THOC5: variants seen among roughly 807,000 people sequenced by gnomAD.
THOC5 encodes Fms-interacting protein.
THOC5 carries 43 observed loss-of-function variants against 92.9 expected under a neutral mutation model. That is an observed-to-expected ratio of 0.46 (90% CI 0.36 to 0.60). THOC5 has a LOEUF of 0.60. Among genes scored for constraint, THOC5 ranks in the 20% least tolerant of loss-of-function variants. The probability of loss-of-function intolerance (pLI) is 0.00; values close to 1 mark genes in which losing one functional copy is unlikely to be tolerated. For missense variants in THOC5, 659 were observed against 849.4 expected (o/e 0.78, Z 2.79); for synonymous variants, 296 against 320.1 (o/e 0.92, Z 0.80).
At position 29,519,993 on chromosome 22, in the gene THOC5, G is replaced by C; in HGVS notation, c.1374+15C>G. ...GTAAGCTCCTCAGCCAACTAGATGA[G>C]ATCAGTGTACAGACCTGGGGCTGCT... is the stretch of plus-strand genomic sequence containing the variant. On this transcript the variant is annotated intron_variant, in intron 14 of 19. Coordinates refer to ENST00000490103, the MANE Select transcript of THOC5 (RefSeq NM_003678.5). 1 of 1,608,030 alleles carries C rather than the reference G, an allele frequency of 6.2e-7. No individual in the cohort carries two copies. The highest frequency in any genetic ancestry group is 8.5e-7 in the Non-Finnish European group (1 of 1,175,790).
At chr22:29,536,569 T>C (rs2063763896) in intron 7 of THOC5, 55 bp downstream of exon 7, 2 of 1,078,268 alleles carry the variant, frequency 1.9e-6, no homozygotes, top group Non-Finnish European at 2.9e-6. Flanking sequence ...GTGACATGAC[T>C]TCTGGCAGCG....
At position 29,506,512 on chromosome 22, in the gene THOC5, A is replaced by G. The variant is rs964357674; in HGVS notation, c.*1945T>C. The G allele has an allele frequency of 6.6e-5, 10 of 152,146 alleles. No individual in the cohort carries two copies. Among genetic ancestry groups the G allele is most frequent in the African/African-American group, 2.4e-4 (10 of 41,430 alleles). The allele number at this position is 152,146 out of a possible 1,614,324, so 9.4% of individuals were successfully genotyped here. ...AAATAGTGGGATCCCGCCTCTACAA[A>G]AAATTTAAAAATTAGCCAGAAATGG... is the stretch of plus-strand genomic sequence containing the variant. On this transcript the variant is annotated 3_prime_UTR_variant, in exon 20 of 20. Coordinates refer to ENST00000490103, the MANE Select transcript of THOC5 (RefSeq NM_003678.5).
chr22:29,510,017 C>T (rs2063194531), intron 19 of THOC5, among the ~76,000 whole-genome samples: 1 of 152,180 alleles, frequency 6.6e-6, no homozygotes, highest in African/African-American at 2.4e-5. Context: ...AAACACTGCT[C>T]CCCGCCAACC....
Position 29,518,822 on chromosome 22 carries a change from G to A in THOC5, c.1489+184C>T, listed in dbSNP as rs556021273. Among the ~76,000 whole-genome samples, 6 of 152,304 alleles carry A rather than the reference G, an allele frequency of 3.9e-5. No individual in the cohort carries two copies. The East Asian group carries it at 5.8e-4, about 15-fold the overall frequency. On this transcript the variant is annotated intron_variant, in intron 15 of 19. Transcript: ENST00000490103. The stretch of plus-strand genomic sequence containing the variant: ...CACTGATGGCTCTAAGGGGGAGCTC[G>A]GTCCTCTGCCTGGACAGGCCTGGAG...
chr22:29,548,925 G>C (rs2146569910), intron 2 of THOC5, 127 bp downstream of exon 2: 1 of 736,894 alleles, frequency 1.4e-6, no homozygotes, highest in East Asian at 2.7e-5. Context: ...CCAGTCACCT[G>C]GTCAAGTGGA....
chr22:29,529,519 A>G (rs776860422), intron 8 of THOC5, among the ~76,000 whole-genome samples: 2 of 152,244 alleles, frequency 1.3e-5, no homozygotes, highest in Non-Finnish European at 2.9e-5. Flanking sequence ...GGTGCACACC[A>G]AAGCACAGAA....
chr22:29,534,376 A>C (rs2063712979), intron 7 of THOC5, among the ~76,000 whole-genome samples: 1 of 152,216 alleles, frequency 6.6e-6, no homozygotes, highest in Admixed American at 6.5e-5. Context: ...GTGTTTGCTT[A>C]GTGAATATTC....
At chr22:29,531,393 G>A (rs1038337269) in intron 8 of THOC5, 3 of 985,320 alleles carry the variant, frequency 3.0e-6, no homozygotes, top group South Asian at 4.7e-5. Context: ...ATCTAACCTG[G>A]AAATTCACAA....
chr22:29,524,033 T>G (rs1307369882), intron 12 of THOC5, among the ~76,000 whole-genome samples: 1 of 152,218 alleles, frequency 6.6e-6, no homozygotes, highest in Non-Finnish European at 1.5e-5. Context: ...TCCCTGGACC[T>G]CAGTTTCTCT....
Position 29,514,728 on chromosome 22 carries a change from G to A in THOC5, c.1681+2301C>T, listed in dbSNP as rs57230076. On this transcript the variant is annotated intron_variant, in intron 17 of 19. Transcript: ENST00000490103. ...TATATATATATATATTTTTTGAGACGGAGTCTTGCTCTGTCACCCAGGCTG... is the reference window on the plus strand; with the variant it reads ...TATATATATATATATTTTTTGAGACAGAGTCTTGCTCTGTCACCCAGGCTG... 0.024 allele frequency among the ~76,000 whole-genome samples: 3,593 copies of A among 150,932 alleles called. 359 individuals carry two copies. The East Asian group carries it at 0.35, about 15-fold the overall frequency.
chr22:29,539,544 A>G (rs2063835634), intron 5 of THOC5, 68 bp from the exon 6 acceptor site: 3 of 1,545,086 alleles, frequency 1.9e-6, no homozygotes, highest in South Asian at 1.2e-5. Flanking sequence ...AGCAGGCCCA[A>G]AGTTATCCCC....
chr22:29,519,194 C>A (rs368103240), intron 14 of THOC5, 74 bp from the exon 15 acceptor site: 22 of 1,021,156 alleles, frequency 2.2e-5, no homozygotes, highest in South Asian at 1.1e-4. Context: ...TCTCCTGGGA[C>A]CTGCCTGTCT....
intron 8 of THOC5, chr22:29,531,268 G>C: frequency 1.0e-6 from 1 of 985,340 alleles, no homozygotes; most frequent in Non-Finnish European, 1.2e-6. Context: ...TGGGGTGGGG[G>C]AGAAAATGTA....
In THOC5 at chr22:29,513,449, A is replaced by T. The variant is rs148067613; in HGVS notation, c.1682-1313T>A. The stretch of plus-strand genomic sequence containing the variant: ...GGGGGGTCACGCCTATAATCCCAGC[A>T]CTTTGGGAGGCAGAAGTGGGTGGAT... On this transcript the variant is annotated intron_variant, in intron 17 of 19. Coordinates refer to ENST00000490103, the MANE Select transcript of THOC5 (RefSeq NM_003678.5). 1.8e-4 allele frequency among the ~76,000 whole-genome samples: 28 copies of T among 152,066 alleles called. No homozygotes were observed. The East Asian group carries it at 4.8e-3, about 26-fold the overall frequency.
chr22:29,539,296 T>C (rs754385191), intron 6 of THOC5, 34 bp downstream of exon 6: 2 of 1,605,254 alleles, frequency 1.2e-6, no homozygotes, highest in South Asian at 2.2e-5. Flanking sequence ...ACTGACACTT[T>C]GTGGTTAAAA....
intron 11 of THOC5, 76 bp from the exon 12 acceptor site, chr22:29,526,022 A>G: frequency 3.2e-5 from 16 of 493,656 alleles, no homozygotes; most frequent in East Asian, 1.2e-4. Flanking sequence ...AGGGGGTAGT[A>G]AGGTGGGGGG....
At chr22:29,539,150 C>T (rs564647518) in intron 6 of THOC5, among the ~76,000 whole-genome samples, 180 bp downstream of exon 6, 4 of 151,348 alleles carry the variant, frequency 2.6e-5, no homozygotes, top group Admixed American at 2.0e-4. Flanking sequence ...CAATTATAAC[C>T]CCAACCCCAT....
intron 17 of THOC5, 76 bp from the exon 18 acceptor site, chr22:29,512,212 C>A (rs1035478493): frequency 9.8e-6 from 11 of 1,122,440 alleles, no homozygotes; most frequent in Non-Finnish European, 1.5e-5. Context: ...CCCCACTGCA[C>A]CCCTGAGGCT....
At chr22:29,524,278 A>C (rs2063500676) in intron 12 of THOC5, among the ~76,000 whole-genome samples, 1 of 152,172 alleles carries the variant, frequency 6.6e-6, no homozygotes. Context: ...CACCTCATAG[A>C]GCTATTGTGA....
Sources: gnomAD v4.1 joint callset for allele counts (sites outside exome capture counted in the v4.1 genomes callset) on GRCh38, gnomAD v4.1.1 for gene constraint, MANE v1.5 for transcripts, NCBI Gene and HGNC (gene_info 2026-07-23, HGNC 2026-07-21) for gene names.